NAALADL2: variants seen among roughly 807,000 people sequenced by gnomAD.
NAALADL2 encodes inactive N-acetylated-alpha-linked acidic dipeptidase-like protein 2.
Under a neutral mutation model 87.2 loss-of-function variants are expected in NAALADL2, and 76 were observed. That is an observed-to-expected ratio of 0.87 (90% CI 0.72 to 1.05). The LOEUF is 1.05. Ranked by LOEUF, NAALADL2 falls within the 50% of genes least tolerant of loss-of-function variation. The pLI is 0.00. For missense variants in NAALADL2, 1,089 were observed against 945.8 expected (o/e 1.15, Z -1.99); for synonymous variants, 354 against 331.0 (o/e 1.07, Z -0.75).
At chr3:175,270,322 T>G (rs1752628991) in intron 4 of NAALADL2, among the ~76,000 whole-genome samples, 1 of 152,162 alleles carries the variant, frequency 6.6e-6, no homozygotes, top group Non-Finnish European at 1.5e-5. Context: ...GGGTGAAAAA[T>G]ATCACTTGAT....
In NAALADL2 at chr3:175,460,187, G is replaced by C. The variant is rs1033554372; in HGVS notation, c.1235-3214G>C. 7 of 456,298 alleles carry C rather than the reference G, an allele frequency of 1.5e-5. No individual in the cohort carries two copies. The Middle Eastern group carries it at 9.7e-4, about 63-fold the overall frequency. The allele number at this position is 456,298 out of a possible 1,614,324, so 28.3% of individuals were successfully genotyped here. On this transcript the variant is annotated intron_variant, in intron 6 of 13. Transcript: ENST00000454872. Reference sequence around the variant, plus strand: ...GCCAACAGCAGCAGGTGTGTCTTTAGAGCAAGTTTATTCAAGACTTTCTGA... The same window carrying C: ...GCCAACAGCAGCAGGTGTGTCTTTACAGCAAGTTTATTCAAGACTTTCTGA...
intron 3 of NAALADL2, among the ~76,000 whole-genome samples, chr3:174,819,237 G>C (rs73051882): frequency 0.026 from 3,907 of 150,934 alleles, 151 homozygotes; most frequent in African/African-American, 0.091. Context: ...GCTAAATTTT[G>C]TATGTTTTGT....
At chr3:174,964,062 A>T (rs1579755099) in intron 1 of NAALADL2, among the ~76,000 whole-genome samples, 1 of 151,860 alleles carries the variant, frequency 6.6e-6, no homozygotes, top group East Asian at 1.9e-4. Flanking sequence ...ATGAGACTTT[A>T]AAATGAGATT....
chr3:175,103,998 C>T (rs1301440943), intron 2 of NAALADL2, among the ~76,000 whole-genome samples: 3 of 152,160 alleles, frequency 2.0e-5, no homozygotes, highest in Non-Finnish European at 4.4e-5. Flanking sequence ...AGAAAATAAG[C>T]ACCTGGGCTG....
At chr3:174,803,358 G>T (rs1306114108) in intron 3 of NAALADL2, among the ~76,000 whole-genome samples, 1 of 152,064 alleles carries the variant, frequency 6.6e-6, no homozygotes, top group Non-Finnish European at 1.5e-5. Flanking sequence ...TACATTCTTT[G>T]TAGATTCTAG....
chr3:174,817,297 T>C (rs1720914053), intron 3 of NAALADL2, among the ~76,000 whole-genome samples: 1 of 152,218 alleles, frequency 6.6e-6, no homozygotes, highest in Non-Finnish European at 1.5e-5. Flanking sequence ...TATGATAATT[T>C]GATTTTTATC....
At chr3:175,606,773 A>T (rs1286256487) in intron 10 of NAALADL2, among the ~76,000 whole-genome samples, 1 of 152,130 alleles carries the variant, frequency 6.6e-6, no homozygotes, top group Non-Finnish European at 1.5e-5. Flanking sequence ...CCTTGGTCTT[A>T]GTTTTCTAGC....
At chr3:175,058,823 A>G (rs1464299343) in intron 1 of NAALADL2, among the ~76,000 whole-genome samples, 2 of 152,232 alleles carry the variant, frequency 1.3e-5, no homozygotes, top group Non-Finnish European at 2.9e-5. Flanking sequence ...TATCCTTAAC[A>G]TTAAGACCTG....
chr3:174,690,265 G>T (rs1399932601), intron 2 of NAALADL2, among the ~76,000 whole-genome samples: 1 of 152,092 alleles, frequency 6.6e-6, no homozygotes, highest in African/African-American at 2.4e-5. Flanking sequence ...ATACTGTAAA[G>T]AATTTTATTT....
At chr3:175,397,548 G>C (rs1217226858) in intron 5 of NAALADL2, among the ~76,000 whole-genome samples, 4 of 152,146 alleles carry the variant, frequency 2.6e-5, no homozygotes, top group Admixed American at 2.6e-4. Flanking sequence ...GAGCAGCAGT[G>C]ACATCCAGTT....
intron 2 of NAALADL2, among the ~76,000 whole-genome samples, chr3:174,552,378 G>T (rs1712229204): frequency 6.6e-6 from 1 of 152,032 alleles, no homozygotes; most frequent in African/African-American, 2.4e-5. Context: ...AGAAATATCA[G>T]TTTTTCATTA....
At chr3:175,404,263 A>C (rs1383573608) in intron 5 of NAALADL2, among the ~76,000 whole-genome samples, 2 of 152,088 alleles carry the variant, frequency 1.3e-5, no homozygotes, top group African/African-American at 2.4e-5. Flanking sequence ...TCATTGTGCA[A>C]TCCTAGATAA....
At chr3:175,752,358 C>A (rs1746717830) in intron 12 of NAALADL2, among the ~76,000 whole-genome samples, 1 of 152,044 alleles carries the variant, frequency 6.6e-6, no homozygotes, top group Non-Finnish European at 1.5e-5. Flanking sequence ...ATAAAAGACA[C>A]AAACCTCTCC....
At chr3:174,744,888 T>C (rs186804009) in intron 3 of NAALADL2, among the ~76,000 whole-genome samples, 2 of 152,254 alleles carry the variant, frequency 1.3e-5, no homozygotes, top group East Asian at 3.9e-4. Flanking sequence ...AAATAAGTTC[T>C]TTGAAACCAG....
intron 5 of NAALADL2, among the ~76,000 whole-genome samples, chr3:175,441,502 A>G (rs528201228): frequency 6.6e-6 from 1 of 152,138 alleles, no homozygotes; most frequent in South Asian, 2.1e-4. Flanking sequence ...CATACAAATC[A>G]CCTGGGGATC....
At chr3:175,698,975 T>G (rs915802602) in intron 11 of NAALADL2, among the ~76,000 whole-genome samples, 1 of 151,938 alleles carries the variant, frequency 6.6e-6, no homozygotes, top group African/African-American at 2.4e-5. Context: ...AGCTCAAACT[T>G]TGAATAGTTA....
intron 4 of NAALADL2, among the ~76,000 whole-genome samples, chr3:175,300,862 C>T (rs1431974718): frequency 6.6e-6 from 1 of 151,786 alleles, no homozygotes; most frequent in Non-Finnish European, 1.5e-5. Context: ...TCTGCCAAAG[C>T]CTCCTGAGTA....
chr3:174,450,464 G>A (rs1225745389), intron 1 of NAALADL2, among the ~76,000 whole-genome samples: 1 of 152,214 alleles, frequency 6.6e-6, no homozygotes, highest in African/African-American at 2.4e-5. Flanking sequence ...TCATTGTCCA[G>A]ATACAGTGAT....
At chr3:175,046,878 C>T (rs1754743961) in intron 1 of NAALADL2, among the ~76,000 whole-genome samples, 1 of 152,142 alleles carries the variant, frequency 6.6e-6, no homozygotes. Context: ...TAGGCTATTA[C>T]ACAATACCAT....
Sources: gnomAD v4.1 joint callset for allele counts (sites outside exome capture counted in the v4.1 genomes callset) on GRCh38, gnomAD v4.1.1 for gene constraint, MANE v1.5 for transcripts, NCBI Gene and HGNC (gene_info 2026-07-23, HGNC 2026-07-21) for gene names.